The following PCDH15 variants were observed in gnomAD, a reference collection of about 807,000 sequenced individuals.
The protein encoded by PCDH15 is protocadherin related 15.
Under a neutral mutation model 178.5 loss-of-function variants are expected in PCDH15, and 129 were observed. The ratio of observed to expected loss-of-function variants is 0.72; its 90% CI spans 0.63 to 0.84. The LOEUF is 0.84. Among genes scored for constraint, PCDH15 ranks in the 40% least tolerant of loss-of-function variants. PCDH15 has a pLI of 0.00. For missense variants in PCDH15, 2,230 were observed against 2,099.9 expected (o/e 1.06, Z -1.21); for synonymous variants, 800 against 732.0 (o/e 1.09, Z -1.50).
chr10:54,254,931 T>G (rs1320208303), intron 8 of PCDH15, among the ~76,000 whole-genome samples: 1 of 152,150 alleles, frequency 6.6e-6, no homozygotes, highest in Non-Finnish European at 1.5e-5. Flanking sequence ...TTCTTTCTCC[T>G]TTCTGCATTG....
chr10:55,539,388 T>C (rs1841706082), intron 2 of PCDH15, among the ~76,000 whole-genome samples: 2 of 152,054 alleles, frequency 1.3e-5, no homozygotes, highest in South Asian at 2.1e-4. Flanking sequence ...CTCAGACATC[T>C]ACTATGCAAT....
chr10:54,509,955 T>C (rs2081499431), intron 3 of PCDH15, among the ~76,000 whole-genome samples: 1 of 152,174 alleles, frequency 6.6e-6, no homozygotes, highest in African/African-American at 2.4e-5. Context: ...CCCATGCTGT[T>C]GCGATGTTCT....
At chr10:54,427,908 A>T (rs1391861321) in intron 3 of PCDH15, among the ~76,000 whole-genome samples, 1 of 152,228 alleles carries the variant, frequency 6.6e-6, no homozygotes, top group Non-Finnish European at 1.5e-5. Context: ...TAGTATGAGT[A>T]GCTACAATTC....
intron 2 of PCDH15, among the ~76,000 whole-genome samples, chr10:55,135,579 T>C (rs995006355): frequency 1.0e-4 from 13 of 129,748 alleles, no homozygotes; most frequent in South Asian, 5.5e-4. Context: ...TCTTTCTTTT[T>C]TTTTTTTTTT....
chr10:54,166,497 T>TTTTG (rs748077058), intron 13 of PCDH15, among the ~76,000 whole-genome samples: 1 of 152,202 alleles, frequency 6.6e-6, no homozygotes, highest in Non-Finnish European at 1.5e-5. Flanking sequence ...ACAATAGTGC[T>TTTTG]TTTGTTTGTT....
chr10:54,933,561 T>C (rs1459503072), intron 2 of PCDH15, among the ~76,000 whole-genome samples: 1 of 152,098 alleles, frequency 6.6e-6, no homozygotes, highest in Admixed American at 6.6e-5. Flanking sequence ...CCTTGAAAAT[T>C]TGTCTGATAC....
chr10:54,590,755 T>C (rs570037035), intron 2 of PCDH15, among the ~76,000 whole-genome samples: 1 of 152,266 alleles, frequency 6.6e-6, no homozygotes, highest in African/African-American at 2.4e-5. Context: ...TGTAAGAATC[T>C]GATGAGTTAA....
At chr10:55,610,187 G>A (rs1843336583) in intron 2 of PCDH15, among the ~76,000 whole-genome samples, 1 of 152,018 alleles carries the variant, frequency 6.6e-6, no homozygotes, top group African/African-American at 2.4e-5. Context: ...GTCAATATCA[G>A]GAACTCCTCA....
intron 3 of PCDH15, among the ~76,000 whole-genome samples, chr10:54,397,214 G>A (rs1331253498): frequency 6.6e-6 from 1 of 151,948 alleles, no homozygotes; most frequent in African/African-American, 2.4e-5. Flanking sequence ...TAGTCTCCCA[G>A]CCACTTGTGA....
chr10:55,364,610 G>A (rs1423029481), intron 2 of PCDH15, among the ~76,000 whole-genome samples: 2 of 151,912 alleles, frequency 1.3e-5, no homozygotes, highest in Non-Finnish European at 2.9e-5. Context: ...ATTATTTTGT[G>A]TCTTTTGCCT....
At chr10:54,190,582 T>G (rs1349138168) in intron 11 of PCDH15, among the ~76,000 whole-genome samples, 2 of 152,120 alleles carry the variant, frequency 1.3e-5, no homozygotes, top group Non-Finnish European at 2.9e-5. Context: ...TTTTTGTTTA[T>G]TTTTGTAGAG....
At chr10:54,077,467 G>T (rs2094361880) in intron 17 of PCDH15, among the ~76,000 whole-genome samples, 1 of 152,062 alleles carries the variant, frequency 6.6e-6, no homozygotes, top group Admixed American at 6.6e-5. Context: ...AAATGTTCTA[G>T]CTAATATTAC....
chr10:54,679,204 A>AC (rs1321232402), intron 1 of PCDH15, among the ~76,000 whole-genome samples: 1 of 151,752 alleles, frequency 6.6e-6, no homozygotes, highest in Non-Finnish European at 1.5e-5. Flanking sequence ...AAAAAAAAAA[A>AC]AAAAAAACAT....
chr10:53,936,867 C>T (rs2085622392), intron 25 of PCDH15, among the ~76,000 whole-genome samples: 1 of 152,048 alleles, frequency 6.6e-6, no homozygotes, highest in Admixed American at 6.6e-5. Context: ...TAATTAACCT[C>T]AATTTACATA....
intron 3 of PCDH15, among the ~76,000 whole-genome samples, chr10:54,852,083 T>A (rs1013680637): frequency 2.6e-5 from 4 of 152,160 alleles, no homozygotes; most frequent in Admixed American, 6.6e-5. Flanking sequence ...TTTATTATTT[T>A]CCAAAGCTCT....
At chr10:54,327,366 C>G (rs1481156212) in intron 7 of PCDH15, among the ~76,000 whole-genome samples, 1 of 150,982 alleles carries the variant, frequency 6.6e-6, no homozygotes, top group African/African-American at 2.4e-5. Context: ...AGTTTTCACT[C>G]TGCTCTATGT....
chr10:55,212,564 T>C (rs751131606), intron 1 of PCDH15, among the ~76,000 whole-genome samples: 2 of 151,984 alleles, frequency 1.3e-5, no homozygotes, highest in Non-Finnish European at 2.9e-5. Context: ...ATTTAAATAG[T>C]TAACAAGGGG....
At chr10:55,005,876 G>A (rs1479284823) in intron 2 of PCDH15, among the ~76,000 whole-genome samples, 1 of 151,930 alleles carries the variant, frequency 6.6e-6, no homozygotes, top group South Asian at 2.1e-4. Context: ...ATGGTAACTA[G>A]AGCAGAACTA....
chr10:55,206,300 A>G lies in PCDH15; in HGVS notation c.-155-39649T>C, dbSNP rs569391174. Among the ~76,000 whole-genome samples the G allele has an allele frequency of 1.3e-5, 2 of 152,216 alleles. 1 individual carries two copies. The highest frequency in any genetic ancestry group is 4.1e-4 in the South Asian group (2 of 4,830). On this transcript the variant is annotated intron_variant, in intron 1 of 5. Transcript: ENST00000458638. ...ATCTGGAAAACTTAAAAATGTATGT[A>G]TTTAATTTAAATGTCAAGTTGTGAT... is the stretch of plus-strand genomic sequence containing the variant.
Sources: gnomAD v4.1 joint callset for allele counts (sites outside exome capture counted in the v4.1 genomes callset) on GRCh38, gnomAD v4.1.1 for gene constraint, MANE v1.5 for transcripts, NCBI Gene and HGNC (gene_info 2026-07-23, HGNC 2026-07-21) for gene names.